Variants in MTUS2 observed in about 807,000 individuals in gnomAD.
MTUS2 encodes microtubule associated scaffold protein 2.
Under a neutral mutation model 114.1 loss-of-function variants are expected in MTUS2, and 40 were observed. The ratio of observed to expected loss-of-function variants is 0.35; its 90% confidence interval spans 0.27 to 0.46. The LOEUF (loss-of-function observed/expected upper bound fraction) is 0.46, where lower values mean the gene tolerates loss of function less well. Ranked by LOEUF, MTUS2 falls within the 20% of genes least tolerant of loss-of-function variation. The pLI is 1.00. For synonymous variants in MTUS2, 688 were observed against 672.0 expected (o/e 1.02, Z -0.37); for missense variants, 1,679 against 1,705.4 (o/e 0.98, Z 0.27).
Position 29,024,504 on chromosome 13 carries a change from GTC to G in MTUS2, c.-193_-192del. Reference sequence around the variant, plus strand: ...CATTCAGCAGGAACCTAACAGATAAGTCTTCCTGCTGTATATCAAGACAATGC... The same window carrying G: ...CATTCAGCAGGAACCTAACAGATAAGTTCCTGCTGTATATCAAGACAATGC... On this transcript the variant is annotated 5_prime_UTR_variant, in exon 3 of 16. Transcript: ENST00000612955. The G allele has an allele frequency of 1.6e-6, 1 of 628,792 alleles. No individual in the cohort carries two copies. The highest frequency in any genetic ancestry group is 2.7e-6 in the Non-Finnish European group (1 of 368,126). The allele number at this position is 628,792 out of a possible 1,614,324, so 39.0% of individuals were successfully genotyped here.
chr13:29,361,873 T>G (rs1233760886), intron 8 of MTUS2, among the ~76,000 whole-genome samples: 1 of 152,244 alleles, frequency 6.6e-6, no homozygotes, highest in Non-Finnish European at 1.5e-5. Context: ...GTGTATCTTT[T>G]GTACACTGTA....
At chr13:29,027,409 A>T (rs969606652) in intron 3 of MTUS2, among the ~76,000 whole-genome samples, 2 of 152,164 alleles carry the variant, frequency 1.3e-5, no homozygotes, top group Non-Finnish European at 2.9e-5. Context: ...TAAAAGTAAT[A>T]ATTACAACTA....
At chr13:29,214,447 A>G (rs1417929785) in intron 5 of MTUS2, among the ~76,000 whole-genome samples, 1 of 152,148 alleles carries the variant, frequency 6.6e-6, no homozygotes, top group African/African-American at 2.4e-5. Context: ...CAGTTTCTTC[A>G]TAATGTCGTT....
chr13:29,455,935 T>G (rs1383145545), intron 9 of MTUS2, among the ~76,000 whole-genome samples: 1 of 151,972 alleles, frequency 6.6e-6, no homozygotes. Flanking sequence ...GAGCTATGAT[T>G]ACACCACTGC....
At chr13:29,030,843 A>G (rs1886782602) in intron 3 of MTUS2, among the ~76,000 whole-genome samples, 2 of 152,190 alleles carry the variant, frequency 1.3e-5, no homozygotes, top group Non-Finnish European at 2.9e-5. Flanking sequence ...AGAAGTGGAA[A>G]AATCAAGAGT....
At position 29,281,832 on chromosome 13, in the gene MTUS2, C is replaced by A; in HGVS notation, c.2773C>A (p.Leu925Ile). 6.2e-7 allele frequency: 1 copy of A among 1,605,928 alleles called. No homozygotes were observed. Among genetic ancestry groups the A allele is most frequent in the Non-Finnish European group, 8.5e-7 (1 of 1,174,368 alleles). Residue 925 changes from leucine to isoleucine, a missense_variant, in exon 6 of 16, where the codon CTT (leucine) becomes ATT (isoleucine). This residue lies in a region of MTUS2 where 822 missense variants were observed against 899.7 expected (regional missense o/e 0.91). Coordinates refer to ENST00000612955, the MANE Select transcript of MTUS2 (RefSeq NM_001033602.4). The part of the protein sequence containing the change: ...SSVTAPRRSL[L>I]PAPKSTSTPA... ...TGTGACAGCACCCCGCAGGAGTTTACTTCCAGCGCCAAAATCCACTTCCAC... is the reference window on the plus strand; with the variant it reads ...TGTGACAGCACCCCGCAGGAGTTTAATTCCAGCGCCAAAATCCACTTCCAC...
chr13:29,314,059 T>C (rs998373771), intron 6 of MTUS2, among the ~76,000 whole-genome samples: 2 of 152,080 alleles, frequency 1.3e-5, no homozygotes, highest in Admixed American at 6.6e-5. Context: ...AAATGTGCTC[T>C]ACCAAAGTAA....
chr13:28,848,318 C>T (rs1876022634), intron 2 of MTUS2, among the ~76,000 whole-genome samples: 1 of 152,112 alleles, frequency 6.6e-6, no homozygotes. Context: ...CTCACAAGCC[C>T]CTTTTCTCCA....
chr13:28,832,569 T>G (rs905538183), intron 1 of MTUS2, among the ~76,000 whole-genome samples: 2 of 150,616 alleles, frequency 1.3e-5, no homozygotes, highest in African/African-American at 2.4e-5. Flanking sequence ...ACCAACAACC[T>G]AACTTTACAC....
intron 5 of MTUS2, among the ~76,000 whole-genome samples, chr13:29,217,558 AT>A (rs1210086368): frequency 6.6e-6 from 1 of 152,180 alleles, no homozygotes; most frequent in Non-Finnish European, 1.5e-5. Context: ...GCAAGTCATA[AT>A]TTTTTTGTCG....
chr13:28,926,666 A>G (rs904758180), intron 2 of MTUS2, among the ~76,000 whole-genome samples: 5 of 152,164 alleles, frequency 3.3e-5, no homozygotes, highest in Non-Finnish European at 7.4e-5. Flanking sequence ...GTACAGGCTT[A>G]ATTTTGGTAG....
chr13:29,102,397 C>T (rs1890460271), intron 5 of MTUS2, among the ~76,000 whole-genome samples: 1 of 152,086 alleles, frequency 6.6e-6, no homozygotes, highest in African/African-American at 2.4e-5. Flanking sequence ...CAAGATGAGC[C>T]ATGTCCACAT....
intron 2 of MTUS2, among the ~76,000 whole-genome samples, chr13:28,938,038 G>C (rs1474240434): frequency 6.6e-6 from 1 of 152,174 alleles, no homozygotes; most frequent in Non-Finnish European, 1.5e-5. Flanking sequence ...GTGCATGCAG[G>C]CTCCTGAGAA....
At chr13:29,466,892 AAAAAG>A (rs1167707136) in intron 9 of MTUS2, among the ~76,000 whole-genome samples, 13 of 151,894 alleles carry the variant, frequency 8.6e-5, no homozygotes, top group African/African-American at 1.2e-4. Flanking sequence ...AAAAAAAAAA[AAAAAG>A]AAAAGAAAGA....
chr13:29,254,202 G>A (rs573820381), intron 5 of MTUS2, among the ~76,000 whole-genome samples: 1 of 152,312 alleles, frequency 6.6e-6, no homozygotes, highest in East Asian at 1.9e-4. Context: ...TCTTCTGTGT[G>A]TAATATCTTC....
chr13:29,307,046 C>T (rs1899502126), intron 6 of MTUS2: 1 of 518,356 alleles, frequency 1.9e-6, no homozygotes. Flanking sequence ...TGGGGTGATG[C>T]TGGCACTGAG....
At chr13:29,380,473 C>G (rs574862056) in intron 8 of MTUS2, among the ~76,000 whole-genome samples, 134 of 152,300 alleles carry the variant, frequency 8.8e-4, no homozygotes, top group South Asian at 5.8e-3. Flanking sequence ...ACTCATTTCT[C>G]TGGGGGTTTG....
intron 2 of MTUS2, among the ~76,000 whole-genome samples, chr13:28,939,207 A>G (rs1468124825): frequency 1.3e-5 from 2 of 152,086 alleles, no homozygotes; most frequent in Non-Finnish European, 2.9e-5. Context: ...CTTCTGCCCA[A>G]CTGCTGCTCT....
intron 5 of MTUS2, among the ~76,000 whole-genome samples, chr13:29,233,083 T>C (rs1308070358): frequency 6.6e-6 from 1 of 152,196 alleles, no homozygotes; most frequent in Non-Finnish European, 1.5e-5. Flanking sequence ...CATGTGAAAT[T>C]ATTCCATCAT....
Sources: allele counts gnomAD v4.1 joint callset (sites outside exome capture counted in the v4.1 genomes callset), GRCh38; gene constraint gnomAD v4.1.1; regional missense constraint gnomAD v4.1.1; transcripts MANE v1.5; gene names NCBI Gene and HGNC (gene_info 2026-07-23, HGNC 2026-07-21).